The following PI4KB variants were observed in gnomAD, a reference collection of about 807,000 sequenced individuals.
PI4KB encodes the protein phosphatidylinositol 4-kinase beta, also known as PtdIns 4-kinase beta.
PI4KB carries 23 observed loss-of-function variants against 81.4 expected under a neutral mutation model. The ratio of observed to expected loss-of-function variants is 0.28; its 90% CI spans 0.20 to 0.40. The LOEUF (loss-of-function observed/expected upper bound fraction) is 0.40, where lower values mean the gene tolerates loss of function less well. PI4KB is among the 10% of genes least tolerant of loss of function. The pLI, the probability that PI4KB is intolerant of heterozygous loss-of-function variation, is 1.00. For synonymous variants in PI4KB, 381 were observed against 406.8 expected (o/e 0.94, Z 0.76); for missense variants, 651 against 1,036.6 (o/e 0.63, Z 5.11).
In PI4KB at chr1:151,315,852, G is replaced by A; in HGVS notation, c.630C>T (p.Leu210=). ...AGGCCCCAAGCAACAGGGCACACTG[G>A]AGGGAAAAGTTAATGCTCTGGCGGC... ...HRCRQSINFS[L]QCALLLGAYS... Residue 210 remains leucine (L), a synonymous_variant, in exon 2 of 12, where the codon CTC becomes CTT. Transcript: ENST00000368873. The A allele has an allele frequency of 6.2e-7, 1 of 1,614,094 alleles. No individual in the cohort carries two copies.
rs140323311 is a variant in PI4KB, at chr1:151,303,842, T to C, written c.1411-192A>G. ...ACATGTGAACTACCTGCAGTAGAAT[T>C]ACCCAGAATGCAGATTCCCAGGCCC... On this transcript the variant is annotated intron_variant, in intron 5 of 11. Coordinates refer to ENST00000368873, the MANE Select transcript of PI4KB (RefSeq NM_001369623.2). Among the ~76,000 whole-genome samples the C allele has an allele frequency of 3.2e-3, 480 of 152,294 alleles. 1 individual carries two copies. Among genetic ancestry groups the C allele is most frequent in the Middle Eastern group, 6.8e-3 (2 of 294 alleles).
chr1:151,316,659 A>AT, intron 1 of PI4KB, 150 bp from the exon 2 acceptor site: 2 of 528,092 alleles, frequency 3.8e-6, no homozygotes, highest in South Asian at 3.8e-5. Context: ...ATCAGATAAG[A>AT]AGACATATCC....
intron 1 of PI4KB, among the ~76,000 whole-genome samples, chr1:151,325,381 T>C (rs1226856670): frequency 2.6e-5 from 4 of 152,118 alleles, no homozygotes; most frequent in African/African-American, 9.7e-5. Flanking sequence ...ATGACATAAC[T>C]ACTCCCAAAC....
chr1:151,296,716 C>T (rs587657239), intron 9 of PI4KB, among the ~76,000 whole-genome samples: 1 of 151,700 alleles, frequency 6.6e-6, no homozygotes, highest in African/African-American at 2.4e-5. Flanking sequence ...GCGATTTGCC[C>T]ACCTCGGCCT....
chr1:151,323,903 T>C lies in PI4KB; in HGVS notation c.-29+3368A>G, dbSNP rs778111198. 5.0e-4 allele frequency among the ~76,000 whole-genome samples: 76 copies of C among 152,268 alleles called. 1 individual carries two copies. The highest frequency in any genetic ancestry group is 4.6e-4 in the Admixed American group (7 of 15,304). ...AGGACTGCTGTTTTTCTTCATAAAC[T>C]CTTTGAGTACCATTGGATTTGTTAC... On this transcript the variant is annotated intron_variant, in intron 1 of 11. Coordinates refer to ENST00000368873, the MANE Select transcript of PI4KB (RefSeq NM_001369623.2).
At chr1:151,326,543 C>T (rs906607093) in intron 1 of PI4KB, among the ~76,000 whole-genome samples, 1 of 152,156 alleles carries the variant, frequency 6.6e-6, no homozygotes, top group African/African-American at 2.4e-5. Flanking sequence ...CCCCTACAGA[C>T]AGAAACCTCT....
In PI4KB at chr1:151,315,887, C is replaced by T. The variant is rs777415980; in HGVS notation, c.595G>A (p.Val199Ile). ...TTAATGCTCTGGCGGCAACGGTGGA[C>T]TATGTAGGGCTTAATGGCATCACCC... ...DVGDAIKPYI[V>I]HRCRQSINFS... Residue 199 changes from valine to isoleucine, a missense_variant, in exon 2 of 12, where the codon GTC (valine) becomes ATC (isoleucine). Val to Ile is a conservative substitution (Grantham distance 29, BLOSUM62 3). Around this residue, in one of 5 missense-constraint regions of PI4KB, gnomAD observed 314 missense variants for 397.8 expected, o/e 0.79. Transcript: ENST00000368873. 6.2e-7 allele frequency: 1 copy of T among 1,614,052 alleles called. No individual in the cohort carries two copies. Among genetic ancestry groups the T allele is most frequent in the South Asian group, 1.1e-5 (1 of 91,062 alleles).
At chr1:151,307,830 T>A in intron 3 of PI4KB, 29 bp from the exon 4 acceptor site, 1 of 1,533,300 alleles carries the variant, frequency 6.5e-7, no homozygotes, top group Non-Finnish European at 9.0e-7. Context: ...AGACAAAAGA[T>A]GGTGAAGAAA....
At chr1:151,313,402 T>C (rs1003457756) in intron 2 of PI4KB, among the ~76,000 whole-genome samples, 1 of 151,762 alleles carries the variant, frequency 6.6e-6, no homozygotes, top group African/African-American at 2.4e-5. Context: ...TATCCTGGAG[T>C]GGGAGTTAGA....
intron 1 of PI4KB, among the ~76,000 whole-genome samples, chr1:151,318,767 G>A (rs4970948): frequency 0.62 from 94,204 of 151,888 alleles, 29,480 homozygotes; most frequent in Middle Eastern, 0.68. Flanking sequence ...ATATTTTTCT[G>A]GTTACAGGTA....
intron 1 of PI4KB, among the ~76,000 whole-genome samples, chr1:151,321,052 T>G (rs1648777358): frequency 6.6e-6 from 1 of 152,236 alleles, no homozygotes; most frequent in African/African-American, 2.4e-5. Flanking sequence ...TATCACCTCT[T>G]TTATCTCACA....
chr1:151,318,200 C>T (rs909167293), intron 1 of PI4KB, among the ~76,000 whole-genome samples: 3 of 151,298 alleles, frequency 2.0e-5, no homozygotes, highest in African/African-American at 7.3e-5. Context: ...GGGCAGATCA[C>T]GAGGTCAAGA....
chr1:151,303,984 C>T (rs1397812548), intron 5 of PI4KB, among the ~76,000 whole-genome samples: 1 of 152,180 alleles, frequency 6.6e-6, no homozygotes, highest in Non-Finnish European at 1.5e-5. Context: ...ATGACCATTA[C>T]AGGAGCTCAA....
chr1:151,302,354 C>T, intron 6 of PI4KB, 56 bp from the exon 7 acceptor site: 1 of 1,181,226 alleles, frequency 8.5e-7, no homozygotes, highest in Non-Finnish European at 1.3e-6. Context: ...AGCCCCATGC[C>T]CAGTCTATAC....
intron 4 of PI4KB, among the ~76,000 whole-genome samples, chr1:151,307,044 C>T (rs1695830625): frequency 1.3e-5 from 2 of 152,008 alleles, no homozygotes; most frequent in Non-Finnish European, 2.9e-5. Flanking sequence ...CACTGCACTC[C>T]AGCCTCCGCA....
intron 2 of PI4KB, among the ~76,000 whole-genome samples, chr1:151,311,738 C>T (rs902173647): frequency 5.9e-5 from 9 of 152,226 alleles, no homozygotes; most frequent in African/African-American, 2.2e-4. Context: ...ACCTGCTCCT[C>T]TCCTACTCCC....
intron 9 of PI4KB, among the ~76,000 whole-genome samples, chr1:151,295,528 A>G (rs1019153151): frequency 6.6e-6 from 1 of 152,230 alleles, no homozygotes; most frequent in African/African-American, 2.4e-5. Flanking sequence ...TTACTTGCCC[A>G]AGGTGCCATA....
chr1:151,294,993 G>T (rs1034174976), intron 9 of PI4KB, among the ~76,000 whole-genome samples: 6 of 152,200 alleles, frequency 3.9e-5, no homozygotes, highest in African/African-American at 1.4e-4. Flanking sequence ...GCCCACTGCA[G>T]ATCAGAGGCC....
At chr1:151,302,606 C>T (rs1695386193) in intron 6 of PI4KB, among the ~76,000 whole-genome samples, 1 of 136,606 alleles carries the variant, frequency 7.3e-6, no homozygotes, top group South Asian at 2.3e-4. Flanking sequence ...AGATAAGAAT[C>T]TCGCTGTGTC....
Sources: allele counts gnomAD v4.1 joint callset (sites outside exome capture counted in the v4.1 genomes callset), GRCh38; gene constraint gnomAD v4.1.1; regional missense constraint gnomAD v4.1.1; transcripts MANE v1.5; gene names NCBI Gene and HGNC (gene_info 2026-07-23, HGNC 2026-07-21).